The following PRPF38B variants were observed in gnomAD, a reference collection of about 807,000 sequenced individuals.
PRPF38B encodes the protein pre-mRNA processing factor 38B.
Under a neutral mutation model 67.2 loss-of-function variants are expected in PRPF38B, and 18 were observed. That is an observed-to-expected ratio of 0.27 (90% CI 0.19 to 0.40). The LOEUF is 0.40. PRPF38B is among the 10% of genes least tolerant of loss of function. The pLI, the probability that PRPF38B is intolerant of heterozygous loss-of-function variation, is 1.00. For synonymous variants in PRPF38B, 246 were observed against 234.2 expected (o/e 1.05, Z -0.46); for missense variants, 544 against 684.9 (o/e 0.79, Z 2.30).
At position 108,698,620 on chromosome 1, in the gene PRPF38B, CT is replaced by C. The variant is rs1660121026; in HGVS notation, c.576del (p.Gly193ValfsTer5). 1 of 1,609,622 alleles carries C rather than the reference CT, an allele frequency of 6.2e-7. No homozygotes were observed. Among genetic ancestry groups the C allele is most frequent in the Admixed American group, 1.7e-5 (1 of 59,932 alleles). On this transcript the variant is annotated frameshift_variant, in exon 5 of 6. Transcript: ENST00000370025. LOFTEE classifies it high-confidence loss of function. ...LDDEEDLDVK[A>X]GGGCVMTIGE... ...TTTCTGTAGGACCTAGATGTGAAGG[CT>C]GGTGGAGGCTGTGTAATGACCATTG...
chr1:108,693,538 C>A, intron 1 of PRPF38B: 1 of 901,506 alleles, frequency 1.1e-6, no homozygotes, highest in Non-Finnish European at 1.3e-6. Flanking sequence ...CTGGGGAGCT[C>A]ACCTGGCGCC....
In PRPF38B at chr1:108,699,691, A is replaced by G. The variant is rs141676748; in HGVS notation, c.1312A>G (p.Arg438Gly). 64 of 1,602,908 alleles carry G rather than the reference A, an allele frequency of 4.0e-5. No individual in the cohort carries two copies. The African/African-American group carries it at 8.0e-4, about 20-fold the overall frequency. The change falls in exon 6 of 6, where the codon AGG (arginine) becomes GGG (glycine). Residue 438 changes from arginine to glycine, a missense_variant. Arg to Gly is a moderately radical substitution (Grantham distance 125). Around this residue, in one of 5 missense-constraint regions of PRPF38B, gnomAD observed 387 missense variants for 386.1 expected, o/e 1.00. Transcript: ENST00000370025. ...SRSRERKHRS[R>G]SRSRNAGKRS... is the part of the protein sequence containing the mutation. ...AAGCAGAGAAAGGAAACACAGAAGT[A>G]GGAGTCGAAGTAGAAATGCAGGGAA...
At position 108,692,331 on chromosome 1, in the gene PRPF38B, G is replaced by A; in HGVS notation, c.-261G>A. ...CGCCATCTTGTTCCCAGGGGCAGTT[G>A]GCGGAAGAGATCGAGCTCCCTGGCT... On this transcript the variant is annotated 5_prime_UTR_variant, in exon 1 of 6. Coordinates refer to ENST00000370025, the MANE Select transcript of PRPF38B (RefSeq NM_018061.4). 3 of 532,920 alleles carry A rather than the reference G, an allele frequency of 5.6e-6. No homozygotes were observed. Among genetic ancestry groups the A allele is most frequent in the South Asian group, 4.7e-5 (2 of 42,778 alleles). 33.0% of individuals were successfully genotyped at this position (532,920 alleles called of 1,614,324 possible).
intron 4 of PRPF38B, chr1:108,696,698 A>G (rs931372656): frequency 4.3e-5 from 31 of 715,694 alleles, no homozygotes; most frequent in Non-Finnish European, 7.0e-5. Flanking sequence ...ATATGCACAT[A>G]GAATACTAAT....
chr1:108,695,628 G>T (rs1004069822), intron 1 of PRPF38B, 74 bp from the exon 2 acceptor site: 68 of 1,437,450 alleles, frequency 4.7e-5, no homozygotes, highest in Non-Finnish European at 6.2e-5. Context: ...TTATGGACTT[G>T]GGTTTACTTT....
chr1:108,701,022 G>T lies in PRPF38B; in HGVS notation c.*1002G>T, dbSNP rs1437117369. ...TTTTTTATTGATAATGGAGATTGCT[G>T]TTTGAGTTTTTAAACTTAATCTAGA... On this transcript the variant is annotated 3_prime_UTR_variant, in exon 6 of 6. Coordinates refer to ENST00000370025, the MANE Select transcript of PRPF38B (RefSeq NM_018061.4). 1 of 152,546 alleles carries T rather than the reference G, an allele frequency of 6.6e-6. No individual in the cohort carries two copies. The highest frequency in any genetic ancestry group is 1.5e-5 in the Non-Finnish European group (1 of 68,024). The allele number at this position is 152,546 out of a possible 1,614,324, so 9.4% of individuals were successfully genotyped here.
intron 1 of PRPF38B, among the ~76,000 whole-genome samples, chr1:108,694,994 TG>T (rs1382268589): frequency 6.6e-6 from 1 of 152,198 alleles, no homozygotes; most frequent in African/African-American, 2.4e-5. Flanking sequence ...GGGGAATAAT[TG>T]GATTGGTTCA....
At position 108,696,872 on chromosome 1, in the gene PRPF38B, A is replaced by G. The variant is rs571659656; in HGVS notation, c.558+535A>G. The G allele has an allele frequency of 7.0e-5, 45 of 645,438 alleles. 1 individual carries two copies. The South Asian group carries it at 7.5e-4, about 11-fold the overall frequency. 40.0% of individuals were successfully genotyped at this position (645,438 alleles called of 1,614,324 possible). A position where few individuals can be genotyped will look rare whatever the true frequency, so the allele number is the denominator to read the frequency against. On this transcript the variant is annotated intron_variant, in intron 4 of 5. Transcript: ENST00000370025. The stretch of plus-strand genomic sequence containing the variant: ...TTCAAGGTGACAAAATTTTAATTCC[A>G]GTTTTCTGACTCCTAGTACACCACA...
In PRPF38B at chr1:108,698,592, G is replaced by GTGT. The variant is rs767732475; in HGVS notation, c.559-10_559-8dup. 4 of 1,563,510 alleles carry GTGT rather than the reference G, an allele frequency of 2.6e-6. No individual in the cohort carries two copies. The South Asian group carries it at 4.6e-5, about 18-fold the overall frequency. ...TTTTTTGACGGCTAGGGTATCTTTT[G>GTGT]TGTTTCTGTAGGACCTAGATGTGAA... On this transcript the variant is annotated splice_polypyrimidine_tract_variant and intron_variant, in intron 4 of 5. Transcript: ENST00000370025.
In PRPF38B at chr1:108,697,509, AT is replaced by A. The variant is rs1190819878; in HGVS notation, c.559-1092del. The A allele has an allele frequency of 3.2e-4, 48 of 150,344 alleles. No individual in the cohort carries two copies. In the East Asian group the frequency reaches 8.3e-3, roughly 26 times the overall value. 9.3% of individuals were successfully genotyped at this position (150,344 alleles called of 1,614,324 possible). A position where few individuals can be genotyped will look rare whatever the true frequency, so the allele number is the denominator to read the frequency against. On this transcript the variant is annotated intron_variant, in intron 4 of 5. Coordinates refer to ENST00000370025, the MANE Select transcript of PRPF38B (RefSeq NM_018061.4). ...CACACCTAAAAAAAAAAAAAATCTC[AT>A]TTAGACATGGAGAATTTTTATTTTT... is the stretch of plus-strand genomic sequence containing the variant.
rs750776863 is a variant in PRPF38B at position 108,696,027 on chromosome 1, C to T, written c.346-16C>T. ...TAATTATTTTACTACTTTTTCTTAACTCGTTTCCCCTAAAGGTTCGAGGTG... is the reference window on the plus strand; with the variant it reads ...TAATTATTTTACTACTTTTTCTTAATTCGTTTCCCCTAAAGGTTCGAGGTG... On this transcript the variant is annotated splice_polypyrimidine_tract_variant and intron_variant, in intron 2 of 5. Transcript: ENST00000370025. 3.2e-5 allele frequency: 51 copies of T among 1,605,362 alleles called. No homozygotes were observed. Among genetic ancestry groups the T allele is most frequent in the Non-Finnish European group, 4.0e-5 (47 of 1,177,042 alleles).
chr1:108,692,369 TCTGCGTGGA>T lies in PRPF38B; in HGVS notation c.-222_-214del. 1.8e-6 allele frequency: 1 copy of T among 568,800 alleles called. No individual in the cohort carries two copies. The highest frequency in any genetic ancestry group is 3.1e-6 in the Non-Finnish European group (1 of 324,438). 35.2% of individuals were successfully genotyped at this position (568,800 alleles called of 1,614,324 possible). ...GAGCTCCCTGGCTGCCGGCTCGCCT[TCTGCGTGGA>T]GTTCTCGCGGTCTGGGTTTCGCTGT... On this transcript the variant is annotated 5_prime_UTR_variant, in exon 1 of 6. Transcript: ENST00000370025.
At position 108,695,755 on chromosome 1, in the gene PRPF38B, A is replaced by G; in HGVS notation, c.330A>G (p.Thr110=). Residue 110 remains threonine, a synonymous_variant, in exon 2 of 6, where the codon ACA becomes ACG. Transcript: ENST00000370025. ...GAAGCAGGAAAACAGCGGGCCAGAC[A>G]GGGATGTGCGGAGGGGTAAGTAGAA... is the stretch of plus-strand genomic sequence containing the variant. The part of the protein sequence containing the change: ...EKGSRKTAGQ[T]GMCGGVRGVG... 6.2e-7 allele frequency: 1 copy of G among 1,614,058 alleles called. No homozygotes were observed. Among genetic ancestry groups the G allele is most frequent in the Admixed American group, 1.7e-5 (1 of 60,014 alleles).
Position 108,699,864 on chromosome 1 carries a change from A to G in PRPF38B, c.1485A>G (p.Glu495=), listed in dbSNP as rs1557772717. The G allele has an allele frequency of 6.2e-7, 1 of 1,614,098 alleles. No individual in the cohort carries two copies. The highest frequency in any genetic ancestry group is 8.5e-7 in the Non-Finnish European group (1 of 1,180,022). The change falls in exon 6 of 6, where the codon GAA becomes GAG. Residue 495 remains glutamate, a synonymous_variant. Transcript: ENST00000370025. ...AACGGGAACATAGTCCCAGCAAAGAAAAATCTAGAAAGCGTAGTAGAAGCA... is the reference window on the plus strand; with the variant it reads ...AACGGGAACATAGTCCCAGCAAAGAGAAATCTAGAAAGCGTAGTAGAAGCA... ...SKKREHSPSK[E]KSRKRSRSKE... is the part of the protein sequence containing the mutation.
At position 108,700,069 on chromosome 1, in the gene PRPF38B, C is replaced by A; in HGVS notation, c.*49C>A. 1.3e-6 allele frequency: 2 copies of A among 1,527,854 alleles called. No homozygotes were observed. Among genetic ancestry groups the A allele is most frequent in the East Asian group, 2.3e-5 (1 of 44,098 alleles). The allele number at this position is 1,527,854 out of a possible 1,614,324, so 94.6% of individuals were successfully genotyped here. ...CATTGAATCCTATAAATGATTAAAT[C>A]TGCTTTTTTCCCCCACGTTGAGATT... On this transcript the variant is annotated 3_prime_UTR_variant, in exon 6 of 6. Coordinates refer to ENST00000370025, the MANE Select transcript of PRPF38B (RefSeq NM_018061.4).
At chr1:108,696,621 C>T in intron 4 of PRPF38B, 1 of 660,882 alleles carries the variant, frequency 1.5e-6, no homozygotes. Context: ...TGTATTGATC[C>T]TGAATTGTAT....
Position 108,700,491 on chromosome 1 carries a change from C to T in PRPF38B, c.*471C>T, listed in dbSNP as rs1660372091. 1.3e-5 allele frequency: 2 copies of T among 154,636 alleles called. No homozygotes were observed. The highest frequency in any genetic ancestry group is 2.9e-5 in the Non-Finnish European group (2 of 69,310). The allele number at this position is 154,636 out of a possible 1,614,324, so 9.6% of individuals were successfully genotyped here. A position where few individuals can be genotyped will look rare whatever the true frequency, so the allele number is the denominator to read the frequency against. On this transcript the variant is annotated 3_prime_UTR_variant, in exon 6 of 6. Transcript: ENST00000370025. ...ATGTCTATTATAGGAGAAGTATGTG[C>T]TGCCAATGTACAAGAAGGCAGCATT...
chr1:108,702,079 C>T lies in PRPF38B; in HGVS notation c.*2059C>T, dbSNP rs79375004. On this transcript the variant is annotated 3_prime_UTR_variant, in exon 6 of 6. Coordinates refer to ENST00000370025, the MANE Select transcript of PRPF38B (RefSeq NM_018061.4). Reference sequence around the variant, plus strand: ...CATGGAGGTGAAAGAACTATCACCTCGATTGACAGTTCGATGATCGTCACT... The same window carrying T: ...CATGGAGGTGAAAGAACTATCACCTTGATTGACAGTTCGATGATCGTCACT... Among the ~76,000 whole-genome samples the T allele has an allele frequency of 1.7e-3, 255 of 152,260 alleles. 1 individual carries two copies. Among genetic ancestry groups the T allele is most frequent in the African/African-American group, 5.8e-3 (239 of 41,556 alleles).
chr1:108,692,765 C>A lies in PRPF38B; in HGVS notation c.174C>A (p.Leu58=). ...PLWGNEKTMN[L]NPMILTNILS... ...GGGGCAACGAGAAGACCATGAACCT[C>A]AACCCCATGATCCTGACCAACATCC... The change falls in exon 1 of 6, where the codon CTC becomes CTA. Residue 58 remains leucine, a synonymous_variant. Transcript: ENST00000370025. The A allele has an allele frequency of 6.2e-7, 1 of 1,614,158 alleles. No homozygotes were observed. The highest frequency in any genetic ancestry group is 8.5e-7 in the Non-Finnish European group (1 of 1,180,050).
Sources: gnomAD v4.1 joint callset for allele counts (sites outside exome capture counted in the v4.1 genomes callset) on GRCh38, gnomAD v4.1.1 for gene constraint, gnomAD v4.1.1 regional missense constraint, MANE v1.5 for transcripts, NCBI Gene and HGNC (gene_info 2026-07-23, HGNC 2026-07-21) for gene names.